The following SPATA1 variants were observed in gnomAD, a reference collection of about 807,000 sequenced individuals.
SPATA1 encodes the protein spermatogenesis-associated protein 1.
In SPATA1, 57 loss-of-function variants were observed where a neutral mutation model predicts 59.6. The ratio of observed to expected loss-of-function variants is 0.96; its 90% CI spans 0.77 to 1.19. The LOEUF (loss-of-function observed/expected upper bound fraction) is 1.19. Among genes scored for constraint, SPATA1 ranks in the 50% most tolerant of loss-of-function variants. The pLI is 0.00. For synonymous variants in SPATA1, 147 were observed against 163.9 expected (o/e 0.90, Z 0.79); for missense variants, 448 against 480.7 (o/e 0.93, Z 0.64).
At chr1:84,509,803 G>C (rs781371174) in intron 1 of SPATA1, among the ~76,000 whole-genome samples, 1 of 152,144 alleles carries the variant, frequency 6.6e-6, no homozygotes, top group South Asian at 2.1e-4. Flanking sequence ...AACTTTCCAG[G>C]ACATTGGATT....
intron 6 of SPATA1, among the ~76,000 whole-genome samples, chr1:84,530,199 T>C (rs1683414813): frequency 6.6e-6 from 1 of 152,110 alleles, no homozygotes; most frequent in Non-Finnish European, 1.5e-5. Flanking sequence ...ATTCTTAAGG[T>C]AGCATAGAGA....
intron 12 of SPATA1, chr1:84,551,110 A>G (rs1684257705): frequency 2.0e-6 from 2 of 985,088 alleles, no homozygotes; most frequent in Middle Eastern, 5.2e-4. Flanking sequence ...AACTAATTAC[A>G]TCATAGAAAT....
chr1:84,558,329 G>T (rs1232893782), downstream of SPATA1, among the ~76,000 whole-genome samples: 2 of 148,346 alleles, frequency 1.3e-5, no homozygotes, highest in Admixed American at 6.7e-5. Context: ...TCGCTCTGTC[G>T]CCCAGGCTGG....
chr1:84,511,655 CT>C (rs771793030), intron 1 of SPATA1, among the ~76,000 whole-genome samples: 16,848 of 80,872 alleles, frequency 0.21, 2,286 homozygotes, highest in African/African-American at 0.42. Flanking sequence ...GCATTTCAGG[CT>C]TTTTTTTTTT....
At chr1:84,513,160 C>A (rs1472337379) in intron 1 of SPATA1, among the ~76,000 whole-genome samples, 3 of 152,290 alleles carry the variant, frequency 2.0e-5, no homozygotes, top group Admixed American at 2.0e-4. Context: ...GCTCTTGTTG[C>A]CCAGGCTAGA....
At chr1:84,525,627 A>C (rs1683184645) in intron 4 of SPATA1, 69 bp from the exon 5 acceptor site, 1 of 1,372,648 alleles carries the variant, frequency 7.3e-7, no homozygotes, top group African/African-American at 1.5e-5. Flanking sequence ...CTGCAAAAAA[A>C]GTAGAGGTAA....
intron 4 of SPATA1, among the ~76,000 whole-genome samples, chr1:84,523,849 A>G (rs537542566): frequency 1.3e-5 from 2 of 152,230 alleles, no homozygotes; most frequent in Non-Finnish European, 2.9e-5. Context: ...TGTACAAAAT[A>G]TCAGTCATAG....
chr1:84,560,577 T>C (rs1192055925), intron 4 of SPATA1, among the ~76,000 whole-genome samples: 1 of 152,244 alleles, frequency 6.6e-6, no homozygotes, highest in Non-Finnish European at 1.5e-5. Context: ...CAGAGACCCC[T>C]TTCTTCAAAT....
chr1:84,510,235 G>T (rs1409811628), intron 1 of SPATA1, among the ~76,000 whole-genome samples: 1 of 151,912 alleles, frequency 6.6e-6, no homozygotes, highest in Admixed American at 6.6e-5. Flanking sequence ...TCACAGAATG[G>T]GAAGAAATAT....
chr1:84,523,130 C>T (rs1049334780), intron 4 of SPATA1, among the ~76,000 whole-genome samples: 1 of 152,070 alleles, frequency 6.6e-6, no homozygotes, highest in Non-Finnish European at 1.5e-5. Flanking sequence ...GTCTCAAATT[C>T]CTGACTTCAG....
intron 8 of SPATA1, among the ~76,000 whole-genome samples, chr1:84,535,786 T>C (rs1189612319): frequency 1.3e-5 from 2 of 152,166 alleles, no homozygotes; most frequent in Non-Finnish European, 2.9e-5. Flanking sequence ...ATAGTTTTAC[T>C]CTTTCTTTCT....
intron 1 of SPATA1, among the ~76,000 whole-genome samples, chr1:84,514,001 C>A (rs550133381): frequency 1.3e-5 from 2 of 152,160 alleles, no homozygotes; most frequent in African/African-American, 4.8e-5. Flanking sequence ...ACCACCACAC[C>A]TGGCTCATTT....
chr1:84,511,215 G>T (rs1318530448), intron 1 of SPATA1, among the ~76,000 whole-genome samples: 1 of 152,114 alleles, frequency 6.6e-6, no homozygotes, highest in African/African-American at 2.4e-5. Flanking sequence ...TTACCCTGAT[G>T]TGCTTTTCAC....
intron 2 of SPATA1, among the ~76,000 whole-genome samples, chr1:84,516,757 AAAC>A (rs1428534377): frequency 6.6e-6 from 1 of 152,166 alleles, no homozygotes; most frequent in East Asian, 1.9e-4. Flanking sequence ...CTGCTTGGCA[AAAC>A]AACAAACATG....
intron 6 of SPATA1, among the ~76,000 whole-genome samples, chr1:84,528,937 C>T (rs935551383): frequency 6.6e-6 from 1 of 152,102 alleles, no homozygotes; most frequent in Non-Finnish European, 1.5e-5. Flanking sequence ...AAATGCATTT[C>T]CAGTTATCCC....
At chr1:84,564,987 T>C (rs1684664814) in intron 4 of SPATA1, among the ~76,000 whole-genome samples, 1 of 151,936 alleles carries the variant, frequency 6.6e-6, no homozygotes, top group South Asian at 2.1e-4. Flanking sequence ...TACAGTGGGC[T>C]ATCATAGTGC....
chr1:84,537,790 T>C (rs752797687), intron 8 of SPATA1, among the ~76,000 whole-genome samples: 10 of 151,946 alleles, frequency 6.6e-5, no homozygotes, highest in Non-Finnish European at 1.3e-4. Context: ...TTTAGAGGGG[T>C]CAGATAATAA....
intron 4 of SPATA1, among the ~76,000 whole-genome samples, chr1:84,561,967 T>C (rs971343781): frequency 6.6e-6 from 1 of 152,244 alleles, no homozygotes; most frequent in Non-Finnish European, 1.5e-5. Flanking sequence ...TGTGGTGGTC[T>C]AGAACTGACT....
chr1:84,522,082 A>C (rs955950099), intron 3 of SPATA1, among the ~76,000 whole-genome samples: 1 of 152,230 alleles, frequency 6.6e-6, no homozygotes, highest in Non-Finnish European at 1.5e-5. Flanking sequence ...TCTATTCCAC[A>C]GCAAATTTTA....
Sources: gnomAD v4.1 joint callset for allele counts (sites outside exome capture counted in the v4.1 genomes callset) on GRCh38, gnomAD v4.1.1 for gene constraint, MANE v1.5 for transcripts, NCBI Gene and HGNC (gene_info 2026-07-23, HGNC 2026-07-21) for gene names.